Variants in RBFOX1 observed in about 807,000 individuals in gnomAD.
RBFOX1 encodes the protein RNA binding protein fox-1 homolog 1.
In RBFOX1, 8 loss-of-function variants were observed where a neutral mutation model predicts 57.7. The ratio of observed to expected loss-of-function variants is 0.14; its 90% CI spans 0.08 to 0.25. The LOEUF is 0.25. Ranked by LOEUF, RBFOX1 falls within the 10% of genes least tolerant of loss-of-function variation. The pLI, the probability that RBFOX1 is intolerant of heterozygous loss-of-function variation, is 1.00. For synonymous variants in RBFOX1, 326 were observed against 222.4 expected, an observed-to-expected ratio of 1.47 and a Z score of -4.15; for missense variants, 611 against 548.5, an observed-to-expected ratio of 1.11 and a Z score of -1.14.
At chr16:7,054,232 G>GGGGGT (rs2051202151) in intron 4 of RBFOX1, among the ~76,000 whole-genome samples, 3 of 32,700 alleles carry the variant, frequency 9.2e-5, no homozygotes, top group African/African-American at 4.7e-4. Flanking sequence ...GGGGCGGGGA[G>GGGGGT]CTTTTTTTTT....
chr16:6,252,988 C>G (rs1261392404), intron 1 of RBFOX1, among the ~76,000 whole-genome samples: 1 of 152,132 alleles, frequency 6.6e-6, no homozygotes, highest in African/African-American at 2.4e-5. Context: ...TTCGTAATAT[C>G]TCTGTGAGGT....
chr16:7,000,449 T>C (rs758027702), intron 3 of RBFOX1, among the ~76,000 whole-genome samples: 3 of 152,142 alleles, frequency 2.0e-5, no homozygotes, highest in Non-Finnish European at 2.9e-5. Context: ...CTCTACATAG[T>C]CTGGTTTTGC....
chr16:5,245,359 T>C (rs2062271516), intron 1 of RBFOX1, among the ~76,000 whole-genome samples: 2 of 151,718 alleles, frequency 1.3e-5, no homozygotes, highest in African/African-American at 2.4e-5. Flanking sequence ...CAGGGGGCAA[T>C]GTGTGCCAGG....
chr16:7,585,578 T>C (rs1323274002), intron 6 of RBFOX1, among the ~76,000 whole-genome samples: 2 of 152,188 alleles, frequency 1.3e-5, no homozygotes, highest in African/African-American at 2.4e-5. Context: ...CTGTATAGTG[T>C]ATGGGTCCTG....
intron 3 of RBFOX1, among the ~76,000 whole-genome samples, chr16:5,811,870 A>T (rs538984504): frequency 1.3e-5 from 2 of 152,308 alleles, no homozygotes; most frequent in African/African-American, 4.8e-5. Context: ...AGGCGTTACC[A>T]CAATTTAGCT....
At chr16:5,898,500 GATA>G (rs145563116) in intron 4 of RBFOX1, among the ~76,000 whole-genome samples, 6,509 of 150,214 alleles carry the variant, frequency 0.043, 175 homozygotes, top group Middle Eastern at 0.12. Context: ...GAGTAATGAT[GATA>G]ATAATAAGCA....
chr16:7,162,686 G>C (rs988834493), intron 4 of RBFOX1, among the ~76,000 whole-genome samples: 2 of 151,952 alleles, frequency 1.3e-5, no homozygotes, highest in Admixed American at 6.6e-5. Flanking sequence ...CTGAGATTGC[G>C]CCACTGCACT....
intron 1 of RBFOX1, among the ~76,000 whole-genome samples, chr16:6,170,127 CCA>C (rs1397102861): frequency 6.6e-6 from 1 of 152,082 alleles, no homozygotes; most frequent in Non-Finnish European, 1.5e-5. Context: ...CCTTCTCAGG[CCA>C]CATTTAGTTT....
chr16:6,728,479 A>C (rs1477287171), intron 3 of RBFOX1, among the ~76,000 whole-genome samples: 1 of 152,176 alleles, frequency 6.6e-6, no homozygotes, highest in Non-Finnish European at 1.5e-5. Context: ...CCCTTTTATT[A>C]CATAATATAA....
chr16:5,246,531 C>G (rs1180774080), intron 1 of RBFOX1, among the ~76,000 whole-genome samples: 3 of 152,124 alleles, frequency 2.0e-5, no homozygotes, highest in African/African-American at 7.2e-5. Context: ...CTGTAGGTAC[C>G]ATGTTGTCCC....
chr16:6,889,068 T>A (rs142658500), intron 3 of RBFOX1, among the ~76,000 whole-genome samples: 1 of 152,290 alleles, frequency 6.6e-6, no homozygotes, highest in African/African-American at 2.4e-5. Flanking sequence ...TTTTCCCTTA[T>A]AGACACGGGT....
intron 2 of RBFOX1, among the ~76,000 whole-genome samples, chr16:6,534,333 C>T (rs936874769): frequency 6.6e-6 from 1 of 151,986 alleles, no homozygotes; most frequent in South Asian, 2.1e-4. Flanking sequence ...ACCAAAGAGT[C>T]CATGCTTTAT....
intron 3 of RBFOX1, among the ~76,000 whole-genome samples, chr16:6,808,555 T>A (rs1320205112): frequency 6.6e-6 from 1 of 152,134 alleles, no homozygotes; most frequent in Non-Finnish European, 1.5e-5. Context: ...CAACAAACAT[T>A]GTCTGATGGG....
At chr16:7,319,403 G>A (rs747427184) in intron 4 of RBFOX1, among the ~76,000 whole-genome samples, 2 of 152,184 alleles carry the variant, frequency 1.3e-5, no homozygotes, top group Non-Finnish European at 2.9e-5. Context: ...ATTTGTAGAA[G>A]AGGCAAACAA....
At chr16:6,027,903 G>A (rs372649218) in intron 1 of RBFOX1, among the ~76,000 whole-genome samples, 1 of 152,152 alleles carries the variant, frequency 6.6e-6, no homozygotes, top group Non-Finnish European at 1.5e-5. Context: ...GTGGAGTTCC[G>A]CCTGCAGAGG....
chr16:6,962,141 T>C (rs934683326), intron 3 of RBFOX1, among the ~76,000 whole-genome samples: 1 of 152,190 alleles, frequency 6.6e-6, no homozygotes, highest in African/African-American at 2.4e-5. Context: ...GAAGTCTTGA[T>C]AGGAGAATCC....
intron 4 of RBFOX1, among the ~76,000 whole-genome samples, chr16:7,303,581 A>T (rs1209578275): frequency 6.6e-6 from 1 of 152,174 alleles, no homozygotes; most frequent in Non-Finnish European, 1.5e-5. Flanking sequence ...CAAAAAAAAT[A>T]AATAATTTTT....
chr16:5,524,640 C>T (rs896714323), intron 2 of RBFOX1, among the ~76,000 whole-genome samples: 2 of 151,590 alleles, frequency 1.3e-5, no homozygotes, highest in African/African-American at 2.4e-5. Flanking sequence ...TCCTGGGTTC[C>T]GTCAGTCCTC....
chr16:7,366,460 C>T (rs1368913430), intron 4 of RBFOX1, among the ~76,000 whole-genome samples: 1 of 152,118 alleles, frequency 6.6e-6, no homozygotes, highest in South Asian at 2.1e-4. Context: ...CCTTCTGCCT[C>T]CAGGCTTGTG....
Sources: allele counts gnomAD v4.1 joint callset (sites outside exome capture counted in the v4.1 genomes callset), GRCh38; gene constraint gnomAD v4.1.1; transcripts MANE v1.5; gene names NCBI Gene and HGNC (gene_info 2026-07-23, HGNC 2026-07-21).